TUBA3D: variants seen among roughly 807,000 people sequenced by gnomAD.
TUBA3D encodes the protein tubulin alpha-3D chain.
In TUBA3D, 24 loss-of-function variants were observed where a neutral mutation model predicts 36.1. That is an observed-to-expected ratio of 0.66 (90% CI 0.48 to 0.93). The LOEUF (loss-of-function observed/expected upper bound fraction) is 0.93, where lower values mean the gene tolerates loss of function less well. Ranked by LOEUF, TUBA3D falls within the 40% of genes least tolerant of loss-of-function variation. TUBA3D has a pLI of 0.00. For missense variants in TUBA3D, 356 were observed against 614.5 expected, an observed-to-expected ratio of 0.58 and a Z score of 4.45; for synonymous variants, 185 against 247.2, an observed-to-expected ratio of 0.75 and a Z score of 2.36.
chr2:131,480,012 G>A, intron 3 of TUBA3D, 57 bp from the exon 4 acceptor site: 1 of 1,522,828 alleles, frequency 6.6e-7, no homozygotes, highest in Non-Finnish European at 8.8e-7. Flanking sequence ...CTGGCTTGTT[G>A]GAGGTTGGTG....
At position 131,480,573 on chromosome 2, in the gene TUBA3D, G is replaced by A. The variant is rs1173589746; in HGVS notation, c.880G>A (p.Ala294Thr). The part of the protein sequence containing the change: ...EQLSVAEITN[A>T]CFEPANQMVK... ...GCTGTCTGTGGCCGAGATCACCAAT[G>A]CCTGCTTCGAGCCAGCCAATCAAAT... The change falls in exon 4 of 5, where the codon GCC becomes ACC. Residue 294 changes from alanine to threonine, a missense_variant. By Grantham distance (58) the Ala-to-Thr change is moderately conservative (BLOSUM62 0). Coordinates refer to ENST00000321253, the MANE Select transcript of TUBA3D (RefSeq NM_080386.4). 1.2e-6 allele frequency: 2 copies of A among 1,611,172 alleles called. No homozygotes were observed. The highest frequency in any genetic ancestry group is 2.8e-5 in the African/African-American group (2 of 72,440).
Position 131,480,694 on chromosome 2 carries a change from CCAT to C in TUBA3D, c.1004_1006del (p.Ile335del). ...AAAGACGTCAACGCGGCCATCGCCA[CCAT>C]CAAGACCAAGCGCACCATCCAGTTT... On this transcript the variant is annotated inframe_deletion, in exon 4 of 5. Coordinates refer to ENST00000321253, the MANE Select transcript of TUBA3D (RefSeq NM_080386.4). 1 of 1,613,432 alleles carries C rather than the reference CCAT, an allele frequency of 6.2e-7. No individual in the cohort carries two copies.
At chr2:131,479,835 G>A (rs537881082) in intron 3 of TUBA3D, among the ~76,000 whole-genome samples, 29 of 151,980 alleles carry the variant, frequency 1.9e-4, no homozygotes, top group South Asian at 1.7e-3. Context: ...GCAAGATTCC[G>A]TCTCAAACAA....
At chr2:131,479,744 G>A (rs540492948) in intron 3 of TUBA3D, among the ~76,000 whole-genome samples, 14 of 152,228 alleles carry the variant, frequency 9.2e-5, no homozygotes, top group African/African-American at 3.4e-4. Flanking sequence ...AGAGGCTGAG[G>A]CAGGAGAATT....
At chr2:131,476,531 C>G (rs1678677360) in intron 1 of TUBA3D, among the ~76,000 whole-genome samples, 1 of 152,212 alleles carries the variant, frequency 6.6e-6, no homozygotes, top group Non-Finnish European at 1.5e-5. Flanking sequence ...CTACTCGAAA[C>G]AACTGAGGAG....
intron 2 of TUBA3D, 148 bp downstream of exon 2, chr2:131,478,534 G>T (rs1372923519): frequency 2.8e-6 from 4 of 1,403,832 alleles, no homozygotes; most frequent in Non-Finnish European, 3.8e-6. Flanking sequence ...AAACTGAAAG[G>T]TTCGTGATCA....
chr2:131,479,463 A>G lies in TUBA3D; in HGVS notation c.375+7A>G. On this transcript the variant is annotated splice_region_variant and intron_variant, in intron 3 of 4. Transcript: ENST00000321253. ...GGACCGGATCCGCAAACTGGTAAGA[A>G]GAGAAGGTTTCATGTGGCCATTTTC... 2 of 1,613,282 alleles carry G rather than the reference A, an allele frequency of 1.2e-6. No individual in the cohort carries two copies. The highest frequency in any genetic ancestry group is 1.7e-6 in the Non-Finnish European group (2 of 1,179,344).
chr2:131,480,823 A>C, intron 4 of TUBA3D, 74 bp downstream of exon 4: 1 of 1,558,670 alleles, frequency 6.4e-7, no homozygotes. Context: ...GAAGGCCCAC[A>C]TCCTTTGGGG....
At chr2:131,480,883 C>G (rs1035826072) in intron 4 of TUBA3D, 134 bp downstream of exon 4, 1 of 1,291,328 alleles carries the variant, frequency 7.7e-7, no homozygotes, top group African/African-American at 1.5e-5. Context: ...ATTAGTGAAC[C>G]AGAGTTGATA....
chr2:131,479,035 G>A (rs1174968007), intron 2 of TUBA3D, among the ~76,000 whole-genome samples: 1 of 152,238 alleles, frequency 6.6e-6, no homozygotes, highest in Non-Finnish European at 1.5e-5. Context: ...TACCTGCGTA[G>A]GAGTGCCAGA....
At position 131,480,447 on chromosome 2, in the gene TUBA3D, T is replaced by C. The variant is rs1678819735; in HGVS notation, c.754T>C (p.Leu252=). The C allele has an allele frequency of 1.3e-6, 2 of 1,589,270 alleles. No individual in the cohort carries two copies. The highest frequency in any genetic ancestry group is 1.7e-5 in the African/African-American group (1 of 60,374). ...ATTTGATGGGGCCCTGAATGTGGAC[T>C]TGACGGAATTCCAGACCAACCTAGT... ...LRFDGALNVD[L]TEFQTNLVPY... Residue 252 remains leucine (L), a synonymous_variant, in exon 4 of 5, where the codon TTG becomes CTG. Coordinates refer to ENST00000321253, the MANE Select transcript of TUBA3D (RefSeq NM_080386.4).
rs553360224 is a variant in TUBA3D at position 131,481,933 on chromosome 2, G to C, written c.1057-619G>C. ...AGTTGACCCTGTGCACTGCGGCCAG[G>C]ACCTCAGGTCATGTTATGCCCGAGT... On this transcript the variant is annotated intron_variant, in intron 4 of 4. Transcript: ENST00000321253. Among the ~76,000 whole-genome samples, 8 of 152,342 alleles carry C rather than the reference G, an allele frequency of 5.3e-5. No individual in the cohort carries two copies. The East Asian group carries it at 1.4e-3, about 26-fold the overall frequency.
intron 3 of TUBA3D, 91 bp from the exon 4 acceptor site, chr2:131,479,978 C>G (rs1029524789): frequency 2.7e-6 from 4 of 1,477,634 alleles, no homozygotes; most frequent in Admixed American, 4.7e-5. Context: ...CATATCAACT[C>G]TTTAGAGGCA....
chr2:131,479,971 A>G (rs1377106149), intron 3 of TUBA3D, 98 bp from the exon 4 acceptor site: 2 of 1,446,922 alleles, frequency 1.4e-6, no homozygotes, highest in Non-Finnish European at 1.9e-6. Context: ...TTGAATCCAT[A>G]TCAACTCTTT....
rs1330996587 is a variant in TUBA3D at position 131,482,534 on chromosome 2, C to T, written c.1057-18C>T. The T allele has an allele frequency of 6.3e-7, 1 of 1,592,052 alleles. No individual in the cohort carries two copies. The highest frequency in any genetic ancestry group is 2.2e-5 in the East Asian group (1 of 44,568). ...TGATATAAGCTTCATGGACTGCTTT[C>T]TTTCCCTTCTCTGGCAGGTGGGCAT... On this transcript the variant is annotated intron_variant, in intron 4 of 4. Transcript: ENST00000321253.
intron 3 of TUBA3D, among the ~76,000 whole-genome samples, chr2:131,479,829 G>C (rs927588982): frequency 6.6e-6 from 1 of 151,982 alleles, no homozygotes; most frequent in Non-Finnish European, 1.5e-5. Context: ...AACAGAGCAA[G>C]ATTCCGTCTC....
intron 4 of TUBA3D, among the ~76,000 whole-genome samples, chr2:131,481,139 G>C (rs1187443603): frequency 2.6e-5 from 4 of 151,944 alleles, no homozygotes; most frequent in African/African-American, 9.7e-5. Context: ...CCTGACCTCA[G>C]GTGATCTGCC....
At chr2:131,481,330 G>A (rs1678858633) in intron 4 of TUBA3D, among the ~76,000 whole-genome samples, 1 of 151,964 alleles carries the variant, frequency 6.6e-6, no homozygotes, top group African/African-American at 2.4e-5. Context: ...GTATAGTAGT[G>A]TGATCTTGGC....
In TUBA3D at chr2:131,480,589, CCAAT is replaced by C. The variant is rs1660180563; in HGVS notation, c.900_903del (p.Asn300LysfsTer78). On this transcript the variant is annotated frameshift_variant, in exon 4 of 5. Coordinates refer to ENST00000321253, the MANE Select transcript of TUBA3D (RefSeq NM_080386.4). LOFTEE classifies it high-confidence loss of function. ...ATCACCAATGCCTGCTTCGAGCCAGCCAATCAAATGGTCAAGTGTGACCCTCGCC... is the reference window on the plus strand; with the variant it reads ...ATCACCAATGCCTGCTTCGAGCCAGCCAAATGGTCAAGTGTGACCCTCGCC... 6.2e-7 allele frequency: 1 copy of C among 1,611,718 alleles called. No individual in the cohort carries two copies. The highest frequency in any genetic ancestry group is 1.7e-5 in the Admixed American group (1 of 59,910).
Sources: gnomAD v4.1 joint callset for allele counts (sites outside exome capture counted in the v4.1 genomes callset) on GRCh38, gnomAD v4.1.1 for gene constraint, MANE v1.5 for transcripts, NCBI Gene and HGNC (gene_info 2026-07-23, HGNC 2026-07-21) for gene names.